KCNJ6: variants seen among roughly 807,000 people sequenced by gnomAD.
KCNJ6 encodes G protein-activated inward rectifier potassium channel 2.
KCNJ6 carries 9 observed loss-of-function variants against 34.2 expected under a neutral mutation model. The observed-to-expected ratio is 0.26, with a 90% CI of 0.16 to 0.46. The LOEUF is 0.46. KCNJ6 is among the 20% of genes least tolerant of loss of function. The probability of loss-of-function intolerance (pLI) is 1.00; values close to 1 mark genes in which losing one functional copy is unlikely to be tolerated. For missense variants in KCNJ6, 236 were observed against 531.3 expected (o/e 0.44, Z 5.46); for synonymous variants, 196 against 207.1 (o/e 0.95, Z 0.46).
intron 3 of KCNJ6, among the ~76,000 whole-genome samples, chr21:37,710,108 C>T (rs909852259): frequency 8.5e-5 from 13 of 152,104 alleles, no homozygotes; most frequent in African/African-American, 2.9e-4. Flanking sequence ...AAGAGGCTTA[C>T]AAGATATCTC....
intron 2 of KCNJ6, among the ~76,000 whole-genome samples, chr21:37,817,911 C>T (rs2055354286): frequency 6.6e-6 from 1 of 152,140 alleles, no homozygotes; most frequent in African/African-American, 2.4e-5. Context: ...ATATCATTAA[C>T]AGTTTTCCAA....
chr21:37,755,414 T>C (rs1372829080), intron 2 of KCNJ6, among the ~76,000 whole-genome samples: 2 of 152,206 alleles, frequency 1.3e-5, no homozygotes, highest in Non-Finnish European at 2.9e-5. Flanking sequence ...TTATCCTAAG[T>C]CCTGCAAATC....
At chr21:37,693,415 G>A (rs1055284933) in intron 3 of KCNJ6, among the ~76,000 whole-genome samples, 6 of 152,196 alleles carry the variant, frequency 3.9e-5, no homozygotes, top group African/African-American at 1.2e-4. Flanking sequence ...CACGGCGGAT[G>A]AGTCCATAAG....
At chr21:37,680,538 G>A (rs1335939380) in intron 3 of KCNJ6, among the ~76,000 whole-genome samples, 3 of 152,240 alleles carry the variant, frequency 2.0e-5, no homozygotes, top group African/African-American at 7.2e-5. Flanking sequence ...TTCTGGATGA[G>A]ATTAGCATTT....
chr21:37,665,144 C>T (rs2054508161), intron 3 of KCNJ6, among the ~76,000 whole-genome samples: 1 of 152,090 alleles, frequency 6.6e-6, no homozygotes, highest in Non-Finnish European at 1.5e-5. Flanking sequence ...AATGGGTCAA[C>T]AATGGCACAA....
chr21:37,903,433 C>T (rs1261398715), intron 1 of KCNJ6, among the ~76,000 whole-genome samples: 2 of 152,184 alleles, frequency 1.3e-5, no homozygotes, highest in Non-Finnish European at 2.9e-5. Context: ...AACCTCTTTC[C>T]TTTATAAATC....
intron 2 of KCNJ6, among the ~76,000 whole-genome samples, chr21:37,789,776 T>C (rs1399865555): frequency 6.6e-6 from 1 of 152,218 alleles, no homozygotes; most frequent in Non-Finnish European, 1.5e-5. Flanking sequence ...CCAGTGTCTC[T>C]ATTACTTGCA....
rs141293292 is a variant in KCNJ6 at position 37,794,902 on chromosome 21, A to G, written c.25+45756T>C. Among the ~76,000 whole-genome samples the G allele has an allele frequency of 6.5e-4, 99 of 151,966 alleles. No homozygotes were observed. In the East Asian group the frequency reaches 0.016, roughly 25 times the overall value. On this transcript the variant is annotated intron_variant, in intron 2 of 3. Coordinates refer to ENST00000609713, the MANE Select transcript of KCNJ6 (RefSeq NM_002240.5). ...CTTAAAGTAAAATAAAAAAGAAAAA[A>G]AATAGAAAAAGAAAAAAAAAATTAA...
intron 2 of KCNJ6, among the ~76,000 whole-genome samples, chr21:37,768,955 T>C (rs1057441495): frequency 6.6e-6 from 1 of 152,232 alleles, no homozygotes; most frequent in African/African-American, 2.4e-5. Flanking sequence ...TTTACCTGCA[T>C]GCAGGTGTGT....
intron 1 of KCNJ6, among the ~76,000 whole-genome samples, chr21:37,842,319 T>C (rs990074576): frequency 6.6e-6 from 1 of 152,194 alleles, no homozygotes; most frequent in African/African-American, 2.4e-5. Flanking sequence ...CTGAGTACAG[T>C]CTAGCAGTTT....
intron 2 of KCNJ6, among the ~76,000 whole-genome samples, chr21:37,799,516 A>T (rs1285608345): frequency 6.6e-6 from 1 of 152,196 alleles, no homozygotes; most frequent in Non-Finnish European, 1.5e-5. Flanking sequence ...TCTACACAGT[A>T]ATTATGGGTC....
At chr21:37,716,377 A>AAATT (rs1165748818) in intron 2 of KCNJ6, among the ~76,000 whole-genome samples, 1 of 140,614 alleles carries the variant, frequency 7.1e-6, no homozygotes, top group Admixed American at 7.2e-5. Context: ...AAAAAAGTTT[A>AAATT]AATTTTTTTT....
At chr21:37,906,531 G>T (rs1407597163) in intron 1 of KCNJ6, among the ~76,000 whole-genome samples, 1 of 152,224 alleles carries the variant, frequency 6.6e-6, no homozygotes, top group African/African-American at 2.4e-5. Flanking sequence ...CAGGGTTCCT[G>T]ATCCAGTAGA....
At chr21:37,811,703 A>G (rs1217739469) in intron 2 of KCNJ6, among the ~76,000 whole-genome samples, 3 of 152,172 alleles carry the variant, frequency 2.0e-5, no homozygotes, top group Admixed American at 2.0e-4. Flanking sequence ...TACCAGTGGA[A>G]TATGCCATAA....
At chr21:37,874,054 C>G (rs1234033572) in intron 1 of KCNJ6, among the ~76,000 whole-genome samples, 1 of 152,178 alleles carries the variant, frequency 6.6e-6, no homozygotes, top group Non-Finnish European at 1.5e-5. Context: ...CTTGCTTTTC[C>G]CATTTCCTCT....
intron 3 of KCNJ6, among the ~76,000 whole-genome samples, chr21:37,704,935 G>C (rs2835903): frequency 0.4 from 60,407 of 151,644 alleles, 12,490 homozygotes; most frequent in Non-Finnish European, 0.46. Context: ...GGGCATTTTG[G>C]ATGGGGTTAA....
chr21:37,821,385 A>T (rs2055372499), intron 2 of KCNJ6, among the ~76,000 whole-genome samples: 3 of 152,086 alleles, frequency 2.0e-5, no homozygotes, highest in Non-Finnish European at 2.9e-5. Flanking sequence ...TTATTTCTTA[A>T]TTTTTTAAAA....
At chr21:37,851,755 T>C (rs1389450748) in intron 1 of KCNJ6, among the ~76,000 whole-genome samples, 2 of 152,084 alleles carry the variant, frequency 1.3e-5, no homozygotes, top group Non-Finnish European at 2.9e-5. Flanking sequence ...TTTTTTTTCC[T>C]ATTCCTCTCA....
rs2054257960 is a variant in KCNJ6 at position 37,614,640 on chromosome 21, GTA to G, written c.*10517_*10518del. 5 of 142,396 alleles carry G rather than the reference GTA, an allele frequency of 3.5e-5. No homozygotes were observed. The highest frequency in any genetic ancestry group is 6.2e-5 in the Non-Finnish European group (4 of 64,372). 8.8% of individuals were successfully genotyped at this position (142,396 alleles called of 1,614,324 possible). ...TGTGTGTATGCATATGTCTGTGTGTGTATGCACGTGTGTGTATGCATGTGTCT... is the reference window on the plus strand; with the variant it reads ...TGTGTGTATGCATATGTCTGTGTGTGTGCACGTGTGTGTATGCATGTGTCT... On this transcript the variant is annotated 3_prime_UTR_variant, in exon 4 of 4. Coordinates refer to ENST00000609713, the MANE Select transcript of KCNJ6 (RefSeq NM_002240.5).
Sources: allele counts gnomAD v4.1 joint callset (sites outside exome capture counted in the v4.1 genomes callset), GRCh38; gene constraint gnomAD v4.1.1; transcripts MANE v1.5; gene names NCBI Gene and HGNC (gene_info 2026-07-23, HGNC 2026-07-21).